UBE2E2: variants seen among roughly 807,000 people sequenced by gnomAD.
The protein encoded by UBE2E2 is ubiquitin conjugating enzyme E2 E2.
Under a neutral mutation model 24.7 loss-of-function variants are expected in UBE2E2, and 6 were observed. The observed-to-expected ratio is 0.24, with a 90% CI of 0.13 to 0.48. UBE2E2 has a LOEUF of 0.48. Among genes scored for constraint, UBE2E2 ranks in the 20% least tolerant of loss-of-function variants. The pLI is 0.99. For synonymous variants in UBE2E2, 104 were observed against 83.6 expected, an observed-to-expected ratio of 1.24 and a Z score of -1.33; for missense variants, 169 against 245.0, an observed-to-expected ratio of 0.69 and a Z score of 2.07.
intron 2 of UBE2E2, among the ~76,000 whole-genome samples, chr3:23,214,781 A>G (rs1696428045): frequency 6.6e-6 from 1 of 152,054 alleles, no homozygotes; most frequent in African/African-American, 2.4e-5. Context: ...TAAACAGTAC[A>G]TAGATTTTTT....
chr3:23,555,519 C>G (rs1217545364), intron 5 of UBE2E2, among the ~76,000 whole-genome samples: 2 of 151,994 alleles, frequency 1.3e-5, no homozygotes, highest in Non-Finnish European at 2.9e-5. Context: ...GGATATATAC[C>G]CAAAGGAAAT....
chr3:23,290,321 C>T (rs1157013671), intron 3 of UBE2E2, among the ~76,000 whole-genome samples: 2 of 152,164 alleles, frequency 1.3e-5, no homozygotes, highest in Non-Finnish European at 2.9e-5. Context: ...GGCTTGCCCT[C>T]TCTGCTAGTC....
intron 3 of UBE2E2, among the ~76,000 whole-genome samples, chr3:23,465,325 A>G (rs932693806): frequency 1.3e-5 from 2 of 152,186 alleles, no homozygotes; most frequent in Admixed American, 1.3e-4. Flanking sequence ...CTGGCCCCCA[A>G]AGTAGGCAAT....
At chr3:23,328,612 T>C (rs746242053) in intron 3 of UBE2E2, among the ~76,000 whole-genome samples, 1 of 152,178 alleles carries the variant, frequency 6.6e-6, no homozygotes, top group African/African-American at 2.4e-5. Flanking sequence ...ATTGTAAGTT[T>C]AGTCACATCT....
intron 3 of UBE2E2, among the ~76,000 whole-genome samples, chr3:23,297,992 A>C (rs548805634): frequency 2.6e-4 from 40 of 151,670 alleles, no homozygotes; most frequent in Non-Finnish European, 5.3e-4. Context: ...CTCCTTGAAG[A>C]GGTCCTTCAC....
chr3:23,422,491 A>C (rs1173380497), intron 3 of UBE2E2, among the ~76,000 whole-genome samples: 1 of 152,170 alleles, frequency 6.6e-6, no homozygotes, highest in Non-Finnish European at 1.5e-5. Context: ...GAAAATTTTT[A>C]AACTGAGCAG....
chr3:23,567,679 A>G (rs1156470643), intron 5 of UBE2E2, among the ~76,000 whole-genome samples: 1 of 152,184 alleles, frequency 6.6e-6, no homozygotes, highest in Non-Finnish European at 1.5e-5. Flanking sequence ...GTTAGGCCCA[A>G]GAATGGAAAT....
intron 3 of UBE2E2, among the ~76,000 whole-genome samples, chr3:23,278,238 GTATT>G (rs1315988821): frequency 1.3e-5 from 2 of 151,996 alleles, no homozygotes; most frequent in African/African-American, 2.4e-5. Flanking sequence ...ATGAAAAACA[GTATT>G]TATTAAGTTT....
intron 3 of UBE2E2, among the ~76,000 whole-genome samples, chr3:23,306,102 A>G (rs965648365): frequency 3.3e-5 from 5 of 152,256 alleles, no homozygotes; most frequent in African/African-American, 9.6e-5. Flanking sequence ...TGTTTAAGAA[A>G]ACATTTACTA....
In UBE2E2 at chr3:23,279,878, C is replaced by T. The variant is rs557423640; in HGVS notation, c.227+62566C>T. On this transcript the variant is annotated intron_variant, in intron 3 of 5. Transcript: ENST00000396703. ...TAGGCATACATGACCAAACTCTTTTCCCTGCTCTGGCCACTTAATTTTCTC... is the reference window on the plus strand; with the variant it reads ...TAGGCATACATGACCAAACTCTTTTTCCTGCTCTGGCCACTTAATTTTCTC... 1.1e-4 allele frequency among the ~76,000 whole-genome samples: 16 copies of T among 152,310 alleles called. 1 individual carries two copies. In the South Asian group the frequency reaches 3.3e-3, roughly 32 times the overall value.
At chr3:23,329,573 T>C (rs1385967424) in intron 3 of UBE2E2, among the ~76,000 whole-genome samples, 7 of 152,236 alleles carry the variant, frequency 4.6e-5, no homozygotes, top group Non-Finnish European at 7.3e-5. Flanking sequence ...ATATTATTGT[T>C]TCCATTGGTA....
chr3:23,489,373 A>G (rs1458669785), intron 3 of UBE2E2, among the ~76,000 whole-genome samples: 8 of 152,156 alleles, frequency 5.3e-5, no homozygotes, highest in Admixed American at 4.6e-4. Flanking sequence ...ATTAGGTACT[A>G]GATTCTCATA....
intron 3 of UBE2E2, among the ~76,000 whole-genome samples, chr3:23,467,217 TTGAC>T (rs1698937982): frequency 6.6e-6 from 1 of 152,238 alleles, no homozygotes; most frequent in Non-Finnish European, 1.5e-5. Flanking sequence ...ACTTCTGACT[TTGAC>T]TGCATGAGAA....
intron 3 of UBE2E2, among the ~76,000 whole-genome samples, chr3:23,292,292 TATTC>T (rs1698791097): frequency 1.3e-5 from 2 of 152,298 alleles, no homozygotes; most frequent in Non-Finnish European, 2.9e-5. Flanking sequence ...GACAACTCTA[TATTC>T]ATTATTTTTG....
intron 3 of UBE2E2, among the ~76,000 whole-genome samples, chr3:23,486,887 C>T (rs1463637518): frequency 6.6e-6 from 1 of 152,196 alleles, no homozygotes; most frequent in Non-Finnish European, 1.5e-5. Context: ...CAGACTCCAC[C>T]TTGGATTGGC....
chr3:23,520,595 A>G (rs536043461), intron 4 of UBE2E2, among the ~76,000 whole-genome samples: 2 of 152,234 alleles, frequency 1.3e-5, no homozygotes, highest in Non-Finnish European at 2.9e-5. Flanking sequence ...GGCCAACTCT[A>G]TAATAGCTGT....
chr3:23,311,324 G>T (rs567805621), intron 3 of UBE2E2, among the ~76,000 whole-genome samples: 11 of 152,328 alleles, frequency 7.2e-5, no homozygotes, highest in African/African-American at 2.4e-4. Flanking sequence ...ACATACGTGT[G>T]CATGTGTCTT....
intron 3 of UBE2E2, among the ~76,000 whole-genome samples, chr3:23,428,099 A>C (rs1261839441): frequency 6.6e-6 from 1 of 152,196 alleles, no homozygotes; most frequent in East Asian, 1.9e-4. Flanking sequence ...TACATTATAC[A>C]CCACCACCAC....
At chr3:23,227,033 G>C (rs545508750) in intron 3 of UBE2E2, among the ~76,000 whole-genome samples, 1 of 151,446 alleles carries the variant, frequency 6.6e-6, no homozygotes, top group South Asian at 2.1e-4. Context: ...CCACCTTGTT[G>C]ATGGTGTGGT....
Sources: allele counts gnomAD v4.1 joint callset (sites outside exome capture counted in the v4.1 genomes callset), GRCh38; gene constraint gnomAD v4.1.1; transcripts MANE v1.5; gene names NCBI Gene and HGNC (gene_info 2026-07-23, HGNC 2026-07-21).